Variants in LIPK observed in about 807,000 individuals in gnomAD.
The protein encoded by LIPK is lipase family member K.
LIPK carries 32 observed loss-of-function variants against 48.6 expected under a neutral mutation model. That is an observed-to-expected ratio of 0.66 (90% CI 0.50 to 0.88). The LOEUF (loss-of-function observed/expected upper bound fraction) is 0.88. LIPK is among the 40% of genes least tolerant of loss of function. The pLI, the probability that LIPK is intolerant of heterozygous loss-of-function variation, is 0.00. For missense variants in LIPK, 507 were observed against 478.5 expected (o/e 1.06, Z -0.56); for synonymous variants, 164 against 157.4 (o/e 1.04, Z -0.32).
At chr10:88,708,696 C>A (rs73350706) in intron 1 of LIPK, among the ~76,000 whole-genome samples, 1 of 151,990 alleles carries the variant, frequency 6.6e-6, no homozygotes, top group Non-Finnish European at 1.5e-5. Flanking sequence ...TGCCTAATAT[C>A]ATCCATTTAA....
At chr10:88,718,677 G>A (rs1314344445) in intron 1 of LIPK, among the ~76,000 whole-genome samples, 1 of 151,980 alleles carries the variant, frequency 6.6e-6, no homozygotes. Context: ...GGGGTAGTAA[G>A]ACCCAGTGAA....
intron 1 of LIPK, among the ~76,000 whole-genome samples, chr10:88,719,764 G>A (rs1268398701): frequency 6.6e-6 from 1 of 152,142 alleles, no homozygotes; most frequent in Non-Finnish European, 1.5e-5. Context: ...ATTGCCATAA[G>A]TTGTTATTAA....
At chr10:88,725,836 T>C (rs77168968) in intron 2 of LIPK, among the ~76,000 whole-genome samples, 473 of 152,296 alleles carry the variant, frequency 3.1e-3, no homozygotes, top group African/African-American at 0.011. Flanking sequence ...CTCTGTTCTT[T>C]AACACCTTTC....
At chr10:88,727,863 TG>T in intron 3 of LIPK, 1 of 376,794 alleles carries the variant, frequency 2.7e-6, no homozygotes, top group African/African-American at 2.1e-5. Context: ...GTGTGGTTCC[TG>T]GAGCAGCAGA....
intron 6 of LIPK, among the ~76,000 whole-genome samples, chr10:88,734,870 T>G (rs1842539825): frequency 6.6e-6 from 1 of 152,230 alleles, no homozygotes; most frequent in African/African-American, 2.4e-5. Flanking sequence ...GAACGGGCTT[T>G]CTTTCTCCTC....
At position 88,724,579 on chromosome 10, in the gene LIPK, T is replaced by G. The variant is rs779182351; in HGVS notation, c.36T>G (p.Leu12=). Residue 12 remains leucine (L), a synonymous_variant, in exon 2 of 10, where the codon CTT becomes CTG. Coordinates refer to ENST00000404190, the MANE Select transcript of LIPK (RefSeq NM_001080518.2). ...TTTTAGCAGCAGCATGCTGGATGCT[T>G]CTTCTTGGATCTATGTATGGTTATG... ...WQLLAAACWM[L]LLGSMYGYDK... is the part of the protein sequence containing the mutation. 6.2e-7 allele frequency: 1 copy of G among 1,610,186 alleles called. No individual in the cohort carries two copies. The highest frequency in any genetic ancestry group is 8.5e-7 in the Non-Finnish European group (1 of 1,178,554).
chr10:88,750,177 G>C (rs999648419), intron 9 of LIPK, among the ~76,000 whole-genome samples: 4 of 152,154 alleles, frequency 2.6e-5, no homozygotes, highest in African/African-American at 7.2e-5. Flanking sequence ...TGAGGTTGTG[G>C]AGAAAGAATG....
At chr10:88,718,670 G>C (rs2134698339) in intron 1 of LIPK, among the ~76,000 whole-genome samples, 1 of 152,114 alleles carries the variant, frequency 6.6e-6, no homozygotes, top group South Asian at 2.1e-4. Flanking sequence ...TTCATAAGGG[G>C]TAGTAAGACC....
chr10:88,728,278 C>G (rs1842385736), intron 3 of LIPK: 2 of 182,632 alleles, frequency 1.1e-5, no homozygotes, highest in South Asian at 2.1e-4. Flanking sequence ...ATCATCTCGA[C>G]GTCTCCGCCC....
At chr10:88,723,527 T>C (rs1182070808) in intron 1 of LIPK, among the ~76,000 whole-genome samples, 2 of 152,298 alleles carry the variant, frequency 1.3e-5, no homozygotes, top group Admixed American at 1.3e-4. Flanking sequence ...CCCTTGGTTG[T>C]TTTTGCAAAG....
chr10:88,717,338 T>G (rs1842138504), intron 1 of LIPK, among the ~76,000 whole-genome samples: 1 of 152,176 alleles, frequency 6.6e-6, no homozygotes, highest in Admixed American at 6.5e-5. Context: ...GATATTCACC[T>G]TCTACTCTTG....
In LIPK at chr10:88,731,005, G is replaced by A. The variant is rs753253538; in HGVS notation, c.246G>A (p.Leu82=). The change falls in exon 4 of 10, where the codon TTG becomes TTA. Residue 82 remains leucine, a synonymous_variant. Coordinates refer to ENST00000404190, the MANE Select transcript of LIPK (RefSeq NM_001080518.2). ...CAGCTCCAAAGCCTGCTGTGTATTT[G>A]CAGCATGGCTTAATTGCATCTGCCA... The part of the protein sequence containing the change: ...GRTAPKPAVY[L]QHGLIASASN... 1.9e-6 allele frequency: 3 copies of A among 1,590,266 alleles called. 1 individual carries two copies. Among genetic ancestry groups the A allele is most frequent in the Non-Finnish European group, 2.6e-6 (3 of 1,167,722 alleles).
chr10:88,727,046 C>A (rs931539718), intron 3 of LIPK, 134 bp downstream of exon 3: 20 of 652,110 alleles, frequency 3.1e-5, no homozygotes, highest in Non-Finnish European at 4.6e-5. Flanking sequence ...TATCGCCCCC[C>A]ATCTCTCTGT....
chr10:88,732,259 C>T lies in LIPK; in HGVS notation c.504C>T (p.Tyr168=), dbSNP rs377155159. Residue 168 remains tyrosine, a synonymous_variant, in exon 5 of 10, where the codon TAC becomes TAT. Transcript: ENST00000404190. Reference sequence around the variant, plus strand: ...AAACTGGACAGAAGCGACTCTACTACGTGGGCCACTCACAAGGCACCACCA... The same window carrying T: ...AAACTGGACAGAAGCGACTCTACTATGTGGGCCACTCACAAGGCACCACCA... ...IEKTGQKRLY[Y]VGHSQGTTIA... The T allele has an allele frequency of 2.2e-5, 35 of 1,613,766 alleles. No individual in the cohort carries two copies. Among genetic ancestry groups the T allele is most frequent in the East Asian group, 6.7e-5 (3 of 44,882 alleles).
At position 88,752,521 on chromosome 10, in the gene LIPK, C is replaced by G. The variant is rs200951684; in HGVS notation, c.965C>G (p.Thr322Arg). The change falls in exon 10 of 10, where the codon ACA becomes AGA. Residue 322 changes from threonine to arginine, a missense_variant. By Grantham distance (71) the Thr-to-Arg change is moderately conservative (BLOSUM62 -1). Coordinates refer to ENST00000404190, the MANE Select transcript of LIPK (RefSeq NM_001080518.2). The stretch of plus-strand genomic sequence containing the variant: ...TCTCTCTTTTATTGTATTTAGCTTA[C>G]ACCTCCTTTATACAACATTACTAAG... ...DQNMMHFHQL[T>R]PPLYNITKME... 1.8e-4 allele frequency: 284 copies of G among 1,541,480 alleles called. No homozygotes were observed. The highest frequency in any genetic ancestry group is 4.1e-4 in the Admixed American group (21 of 51,334).
At chr10:88,723,163 G>A (rs1223705889) in intron 1 of LIPK, among the ~76,000 whole-genome samples, 2 of 151,880 alleles carry the variant, frequency 1.3e-5, no homozygotes, top group Non-Finnish European at 2.9e-5. Context: ...GGGATTACAG[G>A]CATGAGCCAT....
Position 88,717,881 on chromosome 10 carries a change from G to GT in LIPK, c.-11-6641dup, listed in dbSNP as rs111612883. 6.7e-3 allele frequency among the ~76,000 whole-genome samples: 984 copies of GT among 146,190 alleles called. 8 individuals are homozygous for GT. The highest frequency in any genetic ancestry group is 0.018 in the African/African-American group (739 of 40,176). On this transcript the variant is annotated intron_variant, in intron 1 of 9. Coordinates refer to ENST00000404190, the MANE Select transcript of LIPK (RefSeq NM_001080518.2). ...GTTGCCTAAACTTGTATTATTTAATGTTTTTTTTTTTCTGATTTATTTCTT... is the reference window on the plus strand; with the variant it reads ...GTTGCCTAAACTTGTATTATTTAATGTTTTTTTTTTTTCTGATTTATTTCTT...
At position 88,727,377 on chromosome 10, in the gene LIPK, G is replaced by A. The variant is rs116810661; in HGVS notation, c.223+465G>A. 799 of 195,604 alleles carry A rather than the reference G, an allele frequency of 4.1e-3. 9 individuals are homozygous for A. Among genetic ancestry groups the A allele is most frequent in the African/African-American group, 0.018 (749 of 41,856 alleles). The allele number at this position is 195,604 out of a possible 1,614,324, so 12.1% of individuals were successfully genotyped here. A position where few individuals can be genotyped will look rare whatever the true frequency, so the allele number is the denominator to read the frequency against. The stretch of plus-strand genomic sequence containing the variant: ...ATATAATGTCTTCAACTACTACAAT[G>A]CCTCCTCACTGGTATTAAACTATTT... On this transcript the variant is annotated intron_variant, in intron 3 of 9. Transcript: ENST00000404190.
intron 7 of LIPK, among the ~76,000 whole-genome samples, chr10:88,738,651 A>T (rs946602410): frequency 2.0e-5 from 3 of 152,244 alleles, no homozygotes; most frequent in African/African-American, 7.2e-5. Flanking sequence ...CTGAGTAAAA[A>T]GACCTTGAAG....
Sources: gnomAD v4.1 joint callset for allele counts (sites outside exome capture counted in the v4.1 genomes callset) on GRCh38, gnomAD v4.1.1 for gene constraint, MANE v1.5 for transcripts, NCBI Gene and HGNC (gene_info 2026-07-23, HGNC 2026-07-21) for gene names.